Variants in PELI2 observed in about 807,000 individuals in gnomAD.
PELI2 encodes the protein pellino E3 ubiquitin protein ligase family member 2.
A neutral mutation model predicts 42.3 loss-of-function variants in PELI2; 23 were observed. The ratio of observed to expected loss-of-function variants is 0.54; its 90% CI spans 0.39 to 0.77. The LOEUF is 0.77. Among genes scored for constraint, PELI2 ranks in the 30% least tolerant of loss-of-function variants. The pLI is 0.00. For missense variants in PELI2, 463 were observed against 553.2 expected, an observed-to-expected ratio of 0.84 and a Z score of 1.64; for synonymous variants, 245 against 212.2, an observed-to-expected ratio of 1.15 and a Z score of -1.34.
In PELI2 at chr14:56,118,700, A is replaced by G. The variant is rs1252343394; in HGVS notation, c.40A>G (p.Lys14Glu). 9 of 1,525,520 alleles carry G rather than the reference A, an allele frequency of 5.9e-6. No homozygotes were observed. Among genetic ancestry groups the G allele is most frequent in the South Asian group, 1.2e-5 (1 of 82,556 alleles). 94.5% of individuals were successfully genotyped at this position (1,525,520 alleles called of 1,614,324 possible). Reference sequence around the variant, plus strand: ...CCAGGAGGAACACTGCGCCCCCAATAAGGAGCCAGTGAAATACGGGGAGCT... The same window carrying G: ...CCAGGAGGAACACTGCGCCCCCAATGAGGAGCCAGTGAAATACGGGGAGCT... ...PGQEEHCAPN[K>E]EPVKYGELVV... Residue 14 changes from lysine (K) to glutamate (E), a missense_variant, in exon 1 of 6, where the codon AAG becomes GAG. This residue lies in a region of PELI2 where 343 missense variants were observed against 378.4 expected (regional missense o/e 0.91). Transcript: ENST00000267460.
In PELI2 at chr14:56,194,353, C is replaced by G. The variant is rs116043674; in HGVS notation, c.207+15889C>G. ...TTGGCTGTGGTCTCTTCACTACCTA[C>G]CCTGTCCAATCTAAGTGAGAAAGCT... is the stretch of plus-strand genomic sequence containing the variant. On this transcript the variant is annotated intron_variant, in intron 2 of 5. Transcript: ENST00000267460. Among the ~76,000 whole-genome samples, 961 of 152,286 alleles carry G rather than the reference C, an allele frequency of 6.3e-3. 10 individuals carry two copies. The highest frequency in any genetic ancestry group is 0.022 in the African/African-American group (929 of 41,564).
chr14:56,208,051 A>G lies in PELI2; in HGVS notation c.207+29587A>G, dbSNP rs143507331. Among the ~76,000 whole-genome samples, 580 of 152,354 alleles carry G rather than the reference A, an allele frequency of 3.8e-3. 3 individuals carry two copies. The highest frequency in any genetic ancestry group is 0.013 in the African/African-American group (557 of 41,590). On this transcript the variant is annotated intron_variant, in intron 2 of 5. Coordinates refer to ENST00000267460, the MANE Select transcript of PELI2 (RefSeq NM_021255.3). ...CATGTCAGACACTGCATTGGTGCCT[A>G]CATTCAAAGTGCTGTGTTATCAAGG...
At chr14:56,192,637 A>G (rs983401288) in intron 2 of PELI2, among the ~76,000 whole-genome samples, 2 of 152,190 alleles carry the variant, frequency 1.3e-5, no homozygotes, top group African/African-American at 4.8e-5. Flanking sequence ...TCTGAAGTCA[A>G]ATTCCTTGGA....
intron 2 of PELI2, among the ~76,000 whole-genome samples, chr14:56,265,832 A>T (rs1451804723): frequency 2.0e-5 from 3 of 152,198 alleles, no homozygotes; most frequent in South Asian, 2.1e-4. Flanking sequence ...TCATATTTAC[A>T]TATGAAAATA....
intron 3 of PELI2, among the ~76,000 whole-genome samples, chr14:56,285,411 TA>T (rs1478072099): frequency 6.6e-5 from 10 of 152,206 alleles, no homozygotes; most frequent in Admixed American, 5.9e-4. Flanking sequence ...GTTTGGCATA[TA>T]TTACATTTGA....
intron 1 of PELI2, among the ~76,000 whole-genome samples, chr14:56,145,244 A>C (rs1884072310): frequency 6.6e-6 from 1 of 152,020 alleles, no homozygotes; most frequent in Non-Finnish European, 1.5e-5. Context: ...AAACAACCAG[A>C]TCTCGTGAGA....
At chr14:56,234,593 G>A (rs1162395044) in intron 2 of PELI2, among the ~76,000 whole-genome samples, 1 of 152,126 alleles carries the variant, frequency 6.6e-6, no homozygotes, top group African/African-American at 2.4e-5. Context: ...GCACACCAGG[G>A]CCTGTGGTGG....
chr14:56,275,738 A>G (rs1476544803), intron 2 of PELI2, among the ~76,000 whole-genome samples: 1 of 152,176 alleles, frequency 6.6e-6, no homozygotes, highest in Non-Finnish European at 1.5e-5. Flanking sequence ...CGTGGTTCCT[A>G]ACAGGCCACA....
chr14:56,296,104 TTC>T (rs1327508355), intron 5 of PELI2, among the ~76,000 whole-genome samples: 3 of 152,198 alleles, frequency 2.0e-5, no homozygotes, highest in Non-Finnish European at 4.4e-5. Flanking sequence ...GAAAGATAGA[TTC>T]AAGGTGGAGG....
At chr14:56,159,056 T>C (rs1884665685) in intron 1 of PELI2, among the ~76,000 whole-genome samples, 1 of 152,222 alleles carries the variant, frequency 6.6e-6, no homozygotes, top group Non-Finnish European at 1.5e-5. Flanking sequence ...TGGTATTTTA[T>C]GTGTATTTAG....
intron 2 of PELI2, among the ~76,000 whole-genome samples, chr14:56,203,532 T>C (rs1260377465): frequency 1.3e-5 from 2 of 152,100 alleles, no homozygotes; most frequent in Non-Finnish European, 2.9e-5. Flanking sequence ...ACTATTTGAT[T>C]TATTAGGAAA....
chr14:56,193,942 C>T (rs1001728265), intron 2 of PELI2, among the ~76,000 whole-genome samples: 7 of 152,178 alleles, frequency 4.6e-5, no homozygotes, highest in African/African-American at 1.4e-4. Context: ...CCTAGAGTTA[C>T]AGGACCTTTC....
intron 2 of PELI2, among the ~76,000 whole-genome samples, chr14:56,210,106 G>C (rs534534939): frequency 6.6e-6 from 1 of 152,194 alleles, no homozygotes; most frequent in African/African-American, 2.4e-5. Flanking sequence ...CTGTGGTTAT[G>C]TAGGGTAAAT....
At chr14:56,275,697 G>A (rs1399635884) in intron 2 of PELI2, among the ~76,000 whole-genome samples, 1 of 152,188 alleles carries the variant, frequency 6.6e-6, no homozygotes, top group Non-Finnish European at 1.5e-5. Flanking sequence ...AACTTCGCTT[G>A]CTCGTCTGCC....
At chr14:56,295,017 A>C (rs1273803890) in intron 5 of PELI2, among the ~76,000 whole-genome samples, 1 of 152,094 alleles carries the variant, frequency 6.6e-6, no homozygotes. Context: ...TGTGGAAAGC[A>C]CTGTTCTACC....
chr14:56,246,409 G>C (rs1888159226), intron 2 of PELI2, among the ~76,000 whole-genome samples: 1 of 152,134 alleles, frequency 6.6e-6, no homozygotes, highest in African/African-American at 2.4e-5. Flanking sequence ...AACTACTTAA[G>C]CTGCTAATCT....
chr14:56,288,684 T>C lies in PELI2; in HGVS notation c.507+50T>C, dbSNP rs114034228. ...ATTTCTAGAAAAATGCTTGTGATTA[T>C]GATATGGAACATTTAATTGGAGCAA... On this transcript the variant is annotated intron_variant, in intron 4 of 5. Coordinates refer to ENST00000267460, the MANE Select transcript of PELI2 (RefSeq NM_021255.3). This position sits in a 1 kb window ranked among gnomAD's most constrained non-coding sequence, Gnocchi z 4.6. The C allele has an allele frequency of 1.7e-3, 2,411 of 1,407,422 alleles. 40 individuals carry two copies. In the African/African-American group the frequency reaches 0.034, roughly 20 times the overall value. 87.2% of individuals were successfully genotyped at this position (1,407,422 alleles called of 1,614,324 possible). A position where few individuals can be genotyped will look rare whatever the true frequency, so the allele number is the denominator to read the frequency against.
At chr14:56,225,278 T>G (rs1255954740) in intron 2 of PELI2, among the ~76,000 whole-genome samples, 1 of 152,080 alleles carries the variant, frequency 6.6e-6, no homozygotes, top group African/African-American at 2.4e-5. Context: ...AGAGCAGTGT[T>G]GGAGCGAGGC....
chr14:56,300,365 A>G lies in PELI2; in HGVS notation c.*3199A>G, dbSNP rs186993564. Reference sequence around the variant, plus strand: ...TAGTAGAATTTATTTTCCAGTACCAATAGGGAAATTATTTTAAGTTATTAC... The same window carrying G: ...TAGTAGAATTTATTTTCCAGTACCAGTAGGGAAATTATTTTAAGTTATTAC... On this transcript the variant is annotated 3_prime_UTR_variant, in exon 6 of 6. Coordinates refer to ENST00000267460, the MANE Select transcript of PELI2 (RefSeq NM_021255.3). 6.6e-6 allele frequency: 1 copy of G among 152,622 alleles called. No individual in the cohort carries two copies. Among genetic ancestry groups the G allele is most frequent in the East Asian group, 1.9e-4 (1 of 5,196 alleles). The allele number at this position is 152,622 out of a possible 1,614,324, so 9.5% of individuals were successfully genotyped here.
Sources: allele counts gnomAD v4.1 joint callset (sites outside exome capture counted in the v4.1 genomes callset), GRCh38; gene constraint gnomAD v4.1.1; regional missense constraint gnomAD v4.1.1; non-coding constraint Gnocchi (gnomAD v3.1); transcripts MANE v1.5; gene names NCBI Gene and HGNC (gene_info 2026-07-23, HGNC 2026-07-21).